The following ANKS1B variants were observed in gnomAD, a reference collection of about 807,000 sequenced individuals.
ANKS1B encodes ankyrin repeat and sterile alpha motif domain containing 1B.
In ANKS1B, 36 loss-of-function variants were observed where a neutral mutation model predicts 148.3. The ratio of observed to expected loss-of-function variants is 0.24; its 90% CI spans 0.19 to 0.32. The LOEUF (loss-of-function observed/expected upper bound fraction) is 0.32, where lower values mean the gene tolerates loss of function less well. Among genes scored for constraint, ANKS1B ranks in the 10% least tolerant of loss-of-function variants. ANKS1B has a pLI of 1.00. For missense variants in ANKS1B, 1,157 were observed against 1,542.6 expected (o/e 0.75, Z 4.19); for synonymous variants, 542 against 560.8 (o/e 0.97, Z 0.47).
At chr12:99,370,495 A>G (rs1269387028) in intron 12 of ANKS1B, among the ~76,000 whole-genome samples, 1 of 152,174 alleles carries the variant, frequency 6.6e-6, no homozygotes, top group Non-Finnish European at 1.5e-5. Context: ...ATGAGTTACT[A>G]GAATCTCTTT....
intron 15 of ANKS1B, among the ~76,000 whole-genome samples, chr12:99,112,565 G>A (rs1472106309): frequency 1.3e-5 from 2 of 151,938 alleles, no homozygotes; most frequent in Non-Finnish European, 2.9e-5. Context: ...TTCTTGGAAG[G>A]TCCCTGATCC....
At chr12:99,705,891 T>C (rs2055680834) in intron 8 of ANKS1B, among the ~76,000 whole-genome samples, 1 of 152,086 alleles carries the variant, frequency 6.6e-6, no homozygotes, top group Non-Finnish European at 1.5e-5. Flanking sequence ...GAATCTGGAA[T>C]TGTGTTGACT....
intron 9 of ANKS1B, among the ~76,000 whole-genome samples, chr12:99,550,965 T>A (rs2097212325): frequency 6.6e-6 from 1 of 152,204 alleles, no homozygotes; most frequent in Non-Finnish European, 1.5e-5. Context: ...CTCTAATTTG[T>A]TTTTAATTTG....
At chr12:99,800,026 C>T (rs1352460762) in intron 4 of ANKS1B, among the ~76,000 whole-genome samples, 2 of 152,058 alleles carry the variant, frequency 1.3e-5, no homozygotes, top group African/African-American at 4.8e-5. Flanking sequence ...TGAAAATAGA[C>T]TGAAGGGAAT....
intron 11 of ANKS1B, 88 bp from the exon 12 acceptor site, chr12:99,399,899 T>C: frequency 7.3e-7 from 1 of 1,362,050 alleles, no homozygotes; most frequent in Non-Finnish European, 1.0e-6. Flanking sequence ...AAGTGATAAT[T>C]TTTTTCAGTT....
intron 11 of ANKS1B, among the ~76,000 whole-genome samples, chr12:99,407,392 C>A (rs1429717351): frequency 6.9e-6 from 1 of 145,700 alleles, no homozygotes; most frequent in African/African-American, 2.6e-5. Context: ...AAGCCATGTA[C>A]AACAGACCCA....
At chr12:99,583,590 G>A (rs2097592413) in intron 9 of ANKS1B, among the ~76,000 whole-genome samples, 1 of 152,134 alleles carries the variant, frequency 6.6e-6, no homozygotes, top group African/African-American at 2.4e-5. Context: ...AAATGGCTGT[G>A]AAGTAAGTTA....
At chr12:98,852,639 T>C (rs1254308646) in intron 17 of ANKS1B, among the ~76,000 whole-genome samples, 2 of 152,154 alleles carry the variant, frequency 1.3e-5, no homozygotes, top group African/African-American at 4.8e-5. Context: ...AGTTTGATAT[T>C]GTTATCCCTG....
At chr12:99,472,521 G>T (rs2152907694) in intron 10 of ANKS1B, among the ~76,000 whole-genome samples, 1 of 152,170 alleles carries the variant, frequency 6.6e-6, no homozygotes, top group South Asian at 2.1e-4. Flanking sequence ...TTTTGTTGTT[G>T]TAACAAAAAT....
intron 22 of ANKS1B, 137 bp downstream of exon 22, chr12:98,798,797 C>T (rs1230233346): frequency 6.9e-6 from 4 of 583,592 alleles, no homozygotes. Context: ...AAAGCAAGAG[C>T]ACCTTTTTAT....
At chr12:99,397,522 C>G (rs187535615) in intron 12 of ANKS1B, among the ~76,000 whole-genome samples, 1 of 151,884 alleles carries the variant, frequency 6.6e-6, no homozygotes, top group Non-Finnish European at 1.5e-5. Context: ...TAAAAGAAAA[C>G]GGGATGATTT....
intron 8 of ANKS1B, among the ~76,000 whole-genome samples, chr12:99,740,015 A>C (rs1246083919): frequency 6.6e-6 from 1 of 152,184 alleles, no homozygotes; most frequent in Non-Finnish European, 1.5e-5. Context: ...CCTGGCACAT[A>C]AGAACTAGTC....
chr12:98,876,235 CAT>C (rs1207669260), intron 17 of ANKS1B, among the ~76,000 whole-genome samples: 1 of 152,212 alleles, frequency 6.6e-6, no homozygotes, highest in African/African-American at 2.4e-5. Flanking sequence ...ACAGGCACCA[CAT>C]GTGGGATGCT....
chr12:99,609,712 C>T (rs774018485), intron 9 of ANKS1B, among the ~76,000 whole-genome samples: 53 of 151,934 alleles, frequency 3.5e-4, no homozygotes, highest in African/African-American at 8.9e-4. Context: ...GATGTAAAAA[C>T]GAGACAAACA....
intron 9 of ANKS1B, among the ~76,000 whole-genome samples, chr12:99,599,535 G>C (rs2097784528): frequency 6.6e-6 from 1 of 152,106 alleles, no homozygotes; most frequent in Admixed American, 6.6e-5. Context: ...ATAGTGAAGA[G>C]AGATCAGTAG....
At chr12:98,882,662 T>C (rs985249628) in intron 17 of ANKS1B, among the ~76,000 whole-genome samples, 1 of 152,034 alleles carries the variant, frequency 6.6e-6, no homozygotes, top group Admixed American at 6.6e-5. Flanking sequence ...TATAAATAAT[T>C]GTCACTAAAA....
chr12:99,064,663 T>C (rs1033081834), intron 16 of ANKS1B, among the ~76,000 whole-genome samples: 1 of 152,244 alleles, frequency 6.6e-6, no homozygotes, highest in African/African-American at 2.4e-5. Flanking sequence ...TTTAGCTTCA[T>C]CTGTGCCCAG....
intron 17 of ANKS1B, among the ~76,000 whole-genome samples, chr12:98,930,982 T>C (rs927524207): frequency 6.6e-6 from 1 of 152,084 alleles, no homozygotes; most frequent in Non-Finnish European, 1.5e-5. Context: ...TTGGGACAAT[T>C]CATAAGTTAC....
intron 11 of ANKS1B, among the ~76,000 whole-genome samples, chr12:99,429,816 T>C (rs558364280): frequency 5.9e-5 from 9 of 151,430 alleles, no homozygotes; most frequent in Non-Finnish European, 1.0e-4. Flanking sequence ...TACAAAAAAT[T>C]AGCCGGGCGT....
Sources: gnomAD v4.1 joint callset for allele counts (sites outside exome capture counted in the v4.1 genomes callset) on GRCh38, gnomAD v4.1.1 for gene constraint, MANE v1.5 for transcripts, NCBI Gene and HGNC (gene_info 2026-07-23, HGNC 2026-07-21) for gene names.